RGS3: variants seen among roughly 807,000 people sequenced by gnomAD.
RGS3 encodes the protein regulator of G protein signaling 3, also known as regulator of G-protein signalling 3.
A neutral mutation model predicts 132.6 loss-of-function variants in RGS3; 80 were observed. The ratio of observed to expected loss-of-function variants is 0.60; its 90% CI spans 0.50 to 0.73. The LOEUF is 0.73. Among genes scored for constraint, RGS3 ranks in the 30% least tolerant of loss-of-function variants. The pLI, the probability that RGS3 is intolerant of heterozygous loss-of-function variation, is 0.00. For synonymous variants in RGS3, 598 were observed against 620.6 expected, an observed-to-expected ratio of 0.96 and a Z score of 0.54; for missense variants, 1,382 against 1,530.8, an observed-to-expected ratio of 0.90 and a Z score of 1.62.
At chr9:113,533,234 T>G in intron 18 of RGS3, among the ~76,000 whole-genome samples, 2 of 94,724 alleles carry the variant, frequency 2.1e-5, no homozygotes, top group African/African-American at 8.0e-5. Flanking sequence ...GAAAATTCTG[T>G]TTTTTTTTTT....
intron 14 of RGS3, among the ~76,000 whole-genome samples, chr9:113,512,767 T>C (rs368285008): frequency 3.3e-5 from 5 of 152,302 alleles, no homozygotes; most frequent in Admixed American, 1.3e-4. Context: ...GTAGCAGGAA[T>C]GCCTTAGAAG....
At chr9:113,457,093 G>A (rs1465221985), upstream of RGS3, among the ~76,000 whole-genome samples, 1 of 152,188 alleles carries the variant, frequency 6.6e-6, no homozygotes. Flanking sequence ...ACCGCGCCTG[G>A]CCGAGGCCCT....
intron 19 of RGS3, among the ~76,000 whole-genome samples, chr9:113,543,915 G>A (rs1833002317): frequency 6.6e-6 from 1 of 152,218 alleles, no homozygotes; most frequent in Admixed American, 6.5e-5. Flanking sequence ...CAGCACCATT[G>A]CTGCTCTGCC....
chr9:113,560,887 G>A (rs1324647074), intron 19 of RGS3, among the ~76,000 whole-genome samples: 2 of 152,220 alleles, frequency 1.3e-5, no homozygotes, highest in Non-Finnish European at 2.9e-5. Context: ...TGAAGCCGGT[G>A]TGTACCCAGC....
Position 113,573,162 on chromosome 9 carries a change from A to G in RGS3, c.2038-10288A>G, listed in dbSNP as rs535357131. ...CCTGAATAGGTTAAGCAGCCTGTGC[A>G]GGTACCTTGACGTAGGAGGTGGCAG... On this transcript the variant is annotated intron_variant, in intron 19 of 24. Coordinates refer to ENST00000350696, the Ensembl canonical transcript of RGS3. Among the ~76,000 whole-genome samples, 28 of 152,322 alleles carry G rather than the reference A, an allele frequency of 1.8e-4. No individual in the cohort carries two copies. The South Asian group carries it at 5.8e-3, about 32-fold the overall frequency.
At chr9:113,486,653 G>A (rs1206796540) in intron 7 of RGS3, among the ~76,000 whole-genome samples, 1 of 152,198 alleles carries the variant, frequency 6.6e-6, no homozygotes, top group Non-Finnish European at 1.5e-5. Context: ...CATTTGCGGA[G>A]CAATCACATC....
chr9:113,574,824 C>T (rs772140784), intron 19 of RGS3, among the ~76,000 whole-genome samples: 20 of 152,216 alleles, frequency 1.3e-4, no homozygotes, highest in Non-Finnish European at 2.4e-4. Flanking sequence ...CACAGGCAGA[C>T]TGGTTCCTCA....
At chr9:113,498,285 G>A (rs1016007914) in intron 10 of RGS3, among the ~76,000 whole-genome samples, 3 of 152,194 alleles carry the variant, frequency 2.0e-5, no homozygotes, top group Non-Finnish European at 4.4e-5. Flanking sequence ...CGTGGCAGGG[G>A]TGGGGAAATG....
At chr9:113,582,320 C>T in intron 19 of RGS3, 1 of 633,852 alleles carries the variant, frequency 1.6e-6, no homozygotes, top group African/African-American at 2.0e-5. Context: ...GAGCTCTTAA[C>T]CCATGTTCTG....
chr9:113,544,176 G>T (rs1833010657), intron 19 of RGS3, among the ~76,000 whole-genome samples: 1 of 152,166 alleles, frequency 6.6e-6, no homozygotes, highest in African/African-American at 2.4e-5. Context: ...GGTGTCTCAG[G>T]CCCAGGAGCT....
intron 19 of RGS3, among the ~76,000 whole-genome samples, chr9:113,540,333 A>C (rs1245219704): frequency 6.7e-6 from 1 of 150,116 alleles, no homozygotes; most frequent in Non-Finnish European, 1.5e-5. Context: ...GCAAATATAC[A>C]TAATAAATGC....
At chr9:113,486,621 T>TG (rs1830341902) in intron 7 of RGS3, among the ~76,000 whole-genome samples, 3 of 152,334 alleles carry the variant, frequency 2.0e-5, no homozygotes, top group South Asian at 4.1e-4. Flanking sequence ...CTAAGGAATC[T>TG]GGGATACCCC....
chr9:113,447,660 A>G (rs1017671193), intron 1 of RGS3, among the ~76,000 whole-genome samples: 3 of 151,924 alleles, frequency 2.0e-5, no homozygotes, highest in Non-Finnish European at 4.4e-5. Flanking sequence ...CCTATTATGT[A>G]CAAAGCAGTG....
intron 20 of RGS3, among the ~76,000 whole-genome samples, chr9:113,586,131 A>G (rs1422595018): frequency 6.6e-6 from 1 of 152,184 alleles, no homozygotes; most frequent in Non-Finnish European, 1.5e-5. Flanking sequence ...GAATATCACC[A>G]TCTTAGGCCA....
intron 3 of RGS3, among the ~76,000 whole-genome samples, chr9:113,465,294 C>T (rs146014023): frequency 6.6e-6 from 1 of 152,174 alleles, no homozygotes; most frequent in East Asian, 1.9e-4. Context: ...TGCTTTTTTC[C>T]TCCTTATTAT....
At chr9:113,587,753 T>TGCTC (rs991577302) in intron 20 of RGS3, among the ~76,000 whole-genome samples, 4 of 152,210 alleles carry the variant, frequency 2.6e-5, no homozygotes, top group African/African-American at 9.6e-5. Context: ...AGAGATAGTC[T>TGCTC]GCTCGACCAT....
At chr9:113,502,585 C>T (rs780981573) in intron 10 of RGS3, among the ~76,000 whole-genome samples, 3 of 152,214 alleles carry the variant, frequency 2.0e-5, no homozygotes, top group East Asian at 1.9e-4. Flanking sequence ...GCAGCCCCTG[C>T]GACACTAGCG....
At chr9:113,532,683 C>T (rs1156308475) in intron 18 of RGS3, among the ~76,000 whole-genome samples, 4 of 152,092 alleles carry the variant, frequency 2.6e-5, no homozygotes, top group Non-Finnish European at 4.4e-5. Context: ...GAAGAAATGT[C>T]GAGGTATCAC....
At chr9:113,566,844 T>C (rs944345) in intron 19 of RGS3, among the ~76,000 whole-genome samples, 18,192 of 152,240 alleles carry the variant, frequency 0.12, 1,316 homozygotes, top group African/African-American at 0.19. Flanking sequence ...CTGGTGCCTG[T>C]GGGATCCCAG....
Sources: gnomAD v4.1 joint callset for allele counts (sites outside exome capture counted in the v4.1 genomes callset) on GRCh38, gnomAD v4.1.1 for gene constraint, MANE v1.5 for transcripts, NCBI Gene and HGNC (gene_info 2026-07-23, HGNC 2026-07-21) for gene names.